Variants in MKKS observed in about 807,000 individuals in gnomAD.
The protein encoded by MKKS is MKKS centrosomal shuttling protein, also known as molecular chaperone MKKS.
Under a neutral mutation model 33.2 loss-of-function variants are expected in MKKS, and 29 were observed. The ratio of observed to expected loss-of-function variants is 0.87; its 90% CI spans 0.65 to 1.19. The LOEUF (loss-of-function observed/expected upper bound fraction) is 1.19. MKKS is among the 50% of genes most tolerant of loss of function. The pLI, the probability that MKKS is intolerant of heterozygous loss-of-function variation, is 0.00. For synonymous variants in MKKS, 260 were observed against 244.0 expected, an observed-to-expected ratio of 1.07 and a Z score of -0.61; for missense variants, 661 against 662.3, an observed-to-expected ratio of 1.00 and a Z score of 0.02.
In MKKS at chr20:10,401,967, A is replaced by G. The variant is rs2064813632; in HGVS notation, c.*3280T>C. 1 of 151,868 alleles carries G rather than the reference A, an allele frequency of 6.6e-6. No individual in the cohort carries two copies. The highest frequency in any genetic ancestry group is 6.6e-5 in the Admixed American group (1 of 15,208). 9.4% of individuals were successfully genotyped at this position (151,868 alleles called of 1,614,324 possible). On this transcript the variant is annotated 3_prime_UTR_variant, in exon 6 of 6. Transcript: ENST00000347364. ...ATAAGACCAAATAAGTATTTGATTA[A>G]AAGTTTCCTTTATTTGCTGTAGCTC...
At chr20:10,422,528 C>CT (rs1011385082) in intron 1 of MKKS, among the ~76,000 whole-genome samples, 9 of 152,034 alleles carry the variant, frequency 5.9e-5, no homozygotes, top group Non-Finnish European at 1.3e-4. Context: ...GGGCTACTTA[C>CT]TTATAGGAGG....
At chr20:10,411,814 C>T (rs1488429364) in intron 3 of MKKS, among the ~76,000 whole-genome samples, 2 of 152,216 alleles carry the variant, frequency 1.3e-5, no homozygotes, top group African/African-American at 4.8e-5. Flanking sequence ...ATCAGGAACT[C>T]TTCAGCTTGT....
chr20:10,404,068 C>T lies in MKKS; in HGVS notation c.*1179G>A, dbSNP rs531963297. 6.2e-4 allele frequency: 95 copies of T among 152,278 alleles called. No homozygotes were observed. Among genetic ancestry groups the T allele is most frequent in the African/African-American group, 2.3e-3 (94 of 41,560 alleles). 9.4% of individuals were successfully genotyped at this position (152,278 alleles called of 1,614,324 possible). ...CAAAATATTTTCCTAAAGTTTAATACAACATTTGTTATAGCTCCATGCTTA... is the reference window on the plus strand; with the variant it reads ...CAAAATATTTTCCTAAAGTTTAATATAACATTTGTTATAGCTCCATGCTTA... On this transcript the variant is annotated 3_prime_UTR_variant, in exon 6 of 6. Coordinates refer to ENST00000347364, the MANE Select transcript of MKKS (RefSeq NM_170784.3).
At chr20:10,418,788 C>T (rs1025725222) in intron 2 of MKKS, among the ~76,000 whole-genome samples, 12 of 152,064 alleles carry the variant, frequency 7.9e-5, no homozygotes, top group African/African-American at 2.9e-4. Flanking sequence ...TACTTCTTGT[C>T]ATAAGTACAA....
Position 10,405,377 on chromosome 20 carries a change from T to G in MKKS, c.1583A>C (p.His528Pro). Residue 528 changes from histidine (H) to proline (P), a missense_variant, in exon 6 of 6, where the codon CAT (histidine) becomes CCT (proline). Physicochemically the swap from His to Pro is moderately conservative, Grantham distance 77 (BLOSUM62 -2). Transcript: ENST00000347364. ...GTTGCTGGCTGAGCCCACAGCTTCA[T>G]GTGGAAGGCAGCTTTGTGGCACAAA... ...RPFVPQSCLP[H>P]EAVGSASNLT... 1 of 1,614,178 alleles carries G rather than the reference T, an allele frequency of 6.2e-7. No homozygotes were observed. Among genetic ancestry groups the G allele is most frequent in the Non-Finnish European group, 8.5e-7 (1 of 1,180,026 alleles).
chr20:10,409,498 A>C (rs1220253682), intron 3 of MKKS, among the ~76,000 whole-genome samples: 1 of 152,210 alleles, frequency 6.6e-6, no homozygotes, highest in East Asian at 1.9e-4. Context: ...GAATTTTCCA[A>C]ATCTCCAAAC....
chr20:10,427,491 T>C (rs1847949305), intron 1 of MKKS, among the ~76,000 whole-genome samples: 1 of 152,236 alleles, frequency 6.6e-6, no homozygotes, highest in East Asian at 1.9e-4. Context: ...AATTGTACTA[T>C]GCCTTTTCTT....
chr20:10,415,360 T>G (rs1354066393), intron 2 of MKKS, among the ~76,000 whole-genome samples: 2 of 152,174 alleles, frequency 1.3e-5, no homozygotes, highest in Non-Finnish European at 2.9e-5. Flanking sequence ...AAACCTTGAT[T>G]TGAAGATGTG....
intron 3 of MKKS, 87 bp downstream of exon 3, chr20:10,412,442 GT>G (rs2064895922): frequency 7.5e-7 from 1 of 1,334,096 alleles, no homozygotes; most frequent in Non-Finnish European, 1.1e-6. Context: ...TTTTCAAGAT[GT>G]TAACAGTGAC....
chr20:10,411,845 A>G (rs2064890041), intron 3 of MKKS, among the ~76,000 whole-genome samples: 1 of 152,232 alleles, frequency 6.6e-6, no homozygotes, highest in South Asian at 2.1e-4. Flanking sequence ...TGGCTCTAAC[A>G]GTACTTATAT....
chr20:10,420,457 A>T (rs1312983936), intron 2 of MKKS, 71 bp downstream of exon 2: 1 of 152,194 alleles, frequency 6.6e-6, no homozygotes, highest in Non-Finnish European at 1.5e-5. Flanking sequence ...CTTGCCAGAG[A>T]TCTAAAAGAT....
In MKKS at chr20:10,413,687, A is replaced by G; in HGVS notation, c.-173T>C. On this transcript the variant is annotated 5_prime_UTR_variant, in exon 3 of 6. The change abolishes an upstream ATG in the 5' untranslated region. Coordinates refer to ENST00000347364, the MANE Select transcript of MKKS (RefSeq NM_170784.3). ...TTCAATGTTTATGAAGCTAATCAGCATAGAATGATTTAATGACAAATTAGT... is the reference window on the plus strand; with the variant it reads ...TTCAATGTTTATGAAGCTAATCAGCGTAGAATGATTTAATGACAAATTAGT... 1.5e-6 allele frequency: 1 copy of G among 665,650 alleles called. No homozygotes were observed. 41.2% of individuals were successfully genotyped at this position (665,650 alleles called of 1,614,324 possible).
intron 1 of MKKS, among the ~76,000 whole-genome samples, chr20:10,430,074 C>A (rs191095102): frequency 6.6e-6 from 1 of 152,198 alleles, no homozygotes; most frequent in Non-Finnish European, 1.5e-5. Context: ...TGGTTGTATT[C>A]CTGCTTTGCT....
Position 10,403,056 on chromosome 20 carries a change from C to T in MKKS, c.*2191G>A, listed in dbSNP as rs1299062023. 2.0e-5 allele frequency: 3 copies of T among 152,198 alleles called. No homozygotes were observed. Among genetic ancestry groups the T allele is most frequent in the African/African-American group, 7.2e-5 (3 of 41,434 alleles). 9.4% of individuals were successfully genotyped at this position (152,198 alleles called of 1,614,324 possible). A position where few individuals can be genotyped will look rare whatever the true frequency, so the allele number is the denominator to read the frequency against. ...GGGCTATACTCAACTCAAGGTTCCA[C>T]TGGGGAGAACCTGCTTCCAAATTCA... On this transcript the variant is annotated 3_prime_UTR_variant, in exon 6 of 6. Transcript: ENST00000347364.
intron 2 of MKKS, among the ~76,000 whole-genome samples, chr20:10,414,617 A>G (rs758453369): frequency 4.2e-4 from 64 of 152,170 alleles, no homozygotes; most frequent in Non-Finnish European, 6.8e-4. Flanking sequence ...CAACATGAAG[A>G]TTTAATATTA....
At chr20:10,425,329 T>C (rs1363849278) in intron 1 of MKKS, among the ~76,000 whole-genome samples, 1 of 152,224 alleles carries the variant, frequency 6.6e-6, no homozygotes, top group Non-Finnish European at 1.5e-5. Flanking sequence ...TGAAAGAAAT[T>C]TGAGATTTTT....
In MKKS at chr20:10,404,732, A is replaced by G. The variant is rs1023460504; in HGVS notation, c.*515T>C. ...TTCTACTCAATTACCTAACCACTGAAGAATATAGCTTGAGATAAAGGGCAT... is the reference window on the plus strand; with the variant it reads ...TTCTACTCAATTACCTAACCACTGAGGAATATAGCTTGAGATAAAGGGCAT... On this transcript the variant is annotated 3_prime_UTR_variant, in exon 6 of 6. Coordinates refer to ENST00000347364, the MANE Select transcript of MKKS (RefSeq NM_170784.3). 2 of 152,406 alleles carry G rather than the reference A, an allele frequency of 1.3e-5. No individual in the cohort carries two copies. Among genetic ancestry groups the G allele is most frequent in the East Asian group, 3.8e-4 (2 of 5,200 alleles). The allele number at this position is 152,406 out of a possible 1,614,324, so 9.4% of individuals were successfully genotyped here.
At chr20:10,405,735 A>G in intron 5 of MKKS, 48 bp from the exon 6 acceptor site, 2 of 1,458,274 alleles carry the variant, frequency 1.4e-6, no homozygotes, top group Non-Finnish European at 1.9e-6. Context: ...CAATTAATAT[A>G]AAATGTTTCA....
At chr20:10,417,493 C>A (rs1026680789) in intron 2 of MKKS, among the ~76,000 whole-genome samples, 1 of 152,110 alleles carries the variant, frequency 6.6e-6, no homozygotes, top group Non-Finnish European at 1.5e-5. Flanking sequence ...TGCCTATAGT[C>A]CCAGCTACTT....
Sources: allele counts gnomAD v4.1 joint callset (sites outside exome capture counted in the v4.1 genomes callset), GRCh38; gene constraint gnomAD v4.1.1; transcripts MANE v1.5; gene names NCBI Gene and HGNC (gene_info 2026-07-23, HGNC 2026-07-21).